PTPRE: variants seen among roughly 807,000 people sequenced by gnomAD.
The protein encoded by PTPRE is receptor-type tyrosine-protein phosphatase epsilon.
In PTPRE, 51 loss-of-function variants were observed where a neutral mutation model predicts 102.0. The ratio of observed to expected loss-of-function variants is 0.50; its 90% CI spans 0.40 to 0.63. The LOEUF (loss-of-function observed/expected upper bound fraction) is 0.63. PTPRE is among the 30% of genes least tolerant of loss of function. The probability of loss-of-function intolerance (pLI) is 0.00; values close to 1 mark genes in which losing one functional copy is unlikely to be tolerated. For synonymous variants in PTPRE, 345 were observed against 348.2 expected (o/e 0.99, Z 0.10); for missense variants, 752 against 915.1 (o/e 0.82, Z 2.30).
intron 2 of PTPRE, among the ~76,000 whole-genome samples, chr10:128,020,511 T>C (rs1302203150): frequency 1.3e-5 from 2 of 152,224 alleles, no homozygotes; most frequent in Non-Finnish European, 2.9e-5. Context: ...GTATTTGGGT[T>C]TTAGTACAAG....
intron 2 of PTPRE, among the ~76,000 whole-genome samples, chr10:128,033,699 C>T (rs1846961859): frequency 6.6e-6 from 1 of 152,240 alleles, no homozygotes; most frequent in African/African-American, 2.4e-5. Context: ...GGCTAGAGTG[C>T]AGTGGCACAA....
chr10:128,037,061 T>A (rs1282767427), intron 2 of PTPRE, among the ~76,000 whole-genome samples: 4 of 152,230 alleles, frequency 2.6e-5, no homozygotes. Context: ...GATACTCGGA[T>A]TTCTTCCATC....
rs1428050822 is a variant in PTPRE at position 128,028,486 on chromosome 10, TG to T, written c.-7-12385del. On this transcript the variant is annotated intron_variant, in intron 2 of 20. Transcript: ENST00000254667. This position sits in a 1 kb window ranked among gnomAD's most constrained non-coding sequence, Gnocchi z 4.5. ...CAGAATCTGCATTTCTTAGGAAAAA[TG>T]GGGCAAAGGTGAGATGGTACACAGC... 6.6e-6 allele frequency among the ~76,000 whole-genome samples: 1 copy of T among 152,058 alleles called. No individual in the cohort carries two copies. Among genetic ancestry groups the T allele is most frequent in the African/African-American group, 2.4e-5 (1 of 41,394 alleles).
At chr10:127,985,665 G>A (rs1852025086) in intron 2 of PTPRE, among the ~76,000 whole-genome samples, 2 of 152,314 alleles carry the variant, frequency 1.3e-5, no homozygotes, top group Non-Finnish European at 2.9e-5. Context: ...CAGAATCATG[G>A]CAACTGTTTC....
intron 1 of PTPRE, among the ~76,000 whole-genome samples, chr10:127,949,168 T>C (rs1472187737): frequency 1.3e-5 from 2 of 152,188 alleles, no homozygotes; most frequent in Non-Finnish European, 2.9e-5. Flanking sequence ...GACTGAACCA[T>C]GCTGCTAGTG....
chr10:127,951,548 T>G (rs991346462), intron 1 of PTPRE, among the ~76,000 whole-genome samples: 11 of 152,160 alleles, frequency 7.2e-5, no homozygotes, highest in Non-Finnish European at 1.5e-4. Flanking sequence ...TCAGATCCAA[T>G]TTACAGTGGA....
At chr10:127,926,804 CTTTTTTTTTTTTTTT>C (rs150223324) in intron 1 of PTPRE, among the ~76,000 whole-genome samples, 1 of 82,684 alleles carries the variant, frequency 1.2e-5, no homozygotes, top group Non-Finnish European at 2.2e-5. Flanking sequence ...AGAGAGTTGT[CTTTTTTTTTTTTTTT>C]TTTTTTTTTT....
chr10:128,005,052 T>G (rs1433323495), intron 2 of PTPRE, among the ~76,000 whole-genome samples: 9 of 152,282 alleles, frequency 5.9e-5, no homozygotes, highest in African/African-American at 2.2e-4. Context: ...GAGAAGCGTC[T>G]ATTCAAGTCC....
intron 9 of PTPRE, among the ~76,000 whole-genome samples, chr10:128,062,231 A>G (rs1012733107): frequency 6.6e-6 from 1 of 152,208 alleles, no homozygotes; most frequent in Non-Finnish European, 1.5e-5. Flanking sequence ...CTGAAACCAG[A>G]TTCCTCAGAC....
intron 2 of PTPRE, among the ~76,000 whole-genome samples, chr10:127,996,739 C>G (rs1249761908): frequency 6.6e-6 from 1 of 152,200 alleles, no homozygotes; most frequent in Non-Finnish European, 1.5e-5. Context: ...ACGCAGGCTC[C>G]GAGTTCACAG....
At position 128,068,016 on chromosome 10, in the gene PTPRE, C is replaced by A. The variant is rs574602290; in HGVS notation, c.844-107C>A. 4.4e-5 allele frequency: 57 copies of A among 1,301,242 alleles called. No homozygotes were observed. In the African/African-American group the frequency reaches 7.7e-4, roughly 18 times the overall value. The allele number at this position is 1,301,242 out of a possible 1,614,324, so 80.6% of individuals were successfully genotyped here. On this transcript the variant is annotated intron_variant, in intron 11 of 20. Transcript: ENST00000254667. ...CCTCTGTGGATGGGCCCCTCCCCTACGCAGCCCCAGCACAGGGGAGCCCAC... is the reference window on the plus strand; with the variant it reads ...CCTCTGTGGATGGGCCCCTCCCCTAAGCAGCCCCAGCACAGGGGAGCCCAC...
chr10:127,960,449 G>A (rs1849706964), intron 1 of PTPRE, among the ~76,000 whole-genome samples: 1 of 152,192 alleles, frequency 6.6e-6, no homozygotes, highest in Admixed American at 6.5e-5. Flanking sequence ...GATCACTTCT[G>A]TGTCCTGTGC....
intron 6 of PTPRE, 98 bp downstream of exon 6, chr10:128,049,764 C>A: frequency 6.5e-7 from 1 of 1,536,448 alleles, no homozygotes. Flanking sequence ...GACTCAGAAC[C>A]CTTGCATCAG....
chr10:128,082,948 T>C lies in PTPRE; in HGVS notation c.*42T>C, dbSNP rs767638846. ...ATATTTTTTAATTTAATGGTCAGTATATTTTGTAAAAATCATGTTAATTTA... is the reference window on the plus strand; with the variant it reads ...ATATTTTTTAATTTAATGGTCAGTACATTTTGTAAAAATCATGTTAATTTA... On this transcript the variant is annotated 3_prime_UTR_variant, in exon 21 of 21. Coordinates refer to ENST00000254667, the MANE Select transcript of PTPRE (RefSeq NM_006504.6). The C allele has an allele frequency of 2.1e-6, 3 of 1,454,618 alleles. No homozygotes were observed. Among genetic ancestry groups the C allele is most frequent in the Non-Finnish European group, 2.7e-6 (3 of 1,092,172 alleles). 90.1% of individuals were successfully genotyped at this position (1,454,618 alleles called of 1,614,324 possible).
chr10:127,978,672 C>T (rs928067622), intron 1 of PTPRE, among the ~76,000 whole-genome samples: 4 of 152,248 alleles, frequency 2.6e-5, no homozygotes, highest in Admixed American at 6.5e-5. Flanking sequence ...CCTGTCTCCT[C>T]GCTCTGTGAT....
chr10:127,997,451 G>A (rs11593952), intron 2 of PTPRE, among the ~76,000 whole-genome samples: 44,115 of 152,090 alleles, frequency 0.29, 6,687 homozygotes, highest in East Asian at 0.39. Flanking sequence ...CCAGCGTCGT[G>A]GAGTTCAAGT....
chr10:128,000,061 G>A (rs1324758119), intron 2 of PTPRE: 1 of 755,960 alleles, frequency 1.3e-6, no homozygotes, highest in African/African-American at 1.9e-5. Context: ...CATTTTCCAT[G>A]AGTCTTTAAC....
chr10:127,930,806 T>G (rs1346418293), intron 1 of PTPRE, among the ~76,000 whole-genome samples: 23 of 151,456 alleles, frequency 1.5e-4, no homozygotes, highest in Non-Finnish European at 5.9e-5. Context: ...ACTTTTTTTT[T>G]TTTTTGAGAT....
chr10:128,009,798 T>C (rs1448070483), intron 2 of PTPRE, among the ~76,000 whole-genome samples: 1 of 152,242 alleles, frequency 6.6e-6, no homozygotes, highest in Admixed American at 6.5e-5. Flanking sequence ...GAAATTTATT[T>C]AGCACATAAT....
Sources: gnomAD v4.1 joint callset for allele counts (sites outside exome capture counted in the v4.1 genomes callset) on GRCh38, gnomAD v4.1.1 for gene constraint, Gnocchi (gnomAD v3.1) non-coding constraint, MANE v1.5 for transcripts, NCBI Gene and HGNC (gene_info 2026-07-23, HGNC 2026-07-21) for gene names.